EPM2A: variants seen among roughly 807,000 people sequenced by gnomAD.
EPM2A encodes the protein laforin.
EPM2A carries 21 observed loss-of-function variants against 26.5 expected under a neutral mutation model. That is an observed-to-expected ratio of 0.79 (90% CI 0.56 to 1.14). The LOEUF (loss-of-function observed/expected upper bound fraction) is 1.14, where lower values mean the gene tolerates loss of function less well. Ranked by LOEUF, EPM2A falls within the 50% of genes most tolerant of loss-of-function variation. EPM2A has a pLI of 0.00. For synonymous variants in EPM2A, 217 were observed against 177.6 expected, an observed-to-expected ratio of 1.22 and a Z score of -1.76; for missense variants, 458 against 440.8, an observed-to-expected ratio of 1.04 and a Z score of -0.35.
At chr6:145,631,438 T>G (rs558721576) in intron 3 of EPM2A, 1 of 152,308 alleles carries the variant, frequency 6.6e-6, no homozygotes, top group Non-Finnish European at 1.5e-5. Context: ...CTGTAAATCC[T>G]TTGCAGGTCA....
At chr6:145,628,139 A>G (rs1332489962) in intron 3 of EPM2A, 1 of 218,274 alleles carries the variant, frequency 4.6e-6, no homozygotes, top group Non-Finnish European at 9.2e-6. Context: ...TGTAAAACAC[A>G]GAAGCGGCCC....
chr6:145,668,798 C>A (rs1409711535), intron 2 of EPM2A, among the ~76,000 whole-genome samples: 1 of 152,212 alleles, frequency 6.6e-6, no homozygotes, highest in African/African-American at 2.4e-5. Context: ...TATGGTTTTA[C>A]TTGCCCAGTA....
chr6:145,528,857 T>C (rs1188148628), intron 2 of EPM2A, among the ~76,000 whole-genome samples: 1 of 152,056 alleles, frequency 6.6e-6, no homozygotes, highest in Non-Finnish European at 1.5e-5. Context: ...CTAGAAAGGA[T>C]TCACCATTCT....
chr6:145,728,367 C>A (rs532870437), intron 1 of EPM2A, among the ~76,000 whole-genome samples: 1 of 152,120 alleles, frequency 6.6e-6, no homozygotes. Flanking sequence ...CCTGGAGACT[C>A]GTTGAATGGT....
Position 145,589,898 on chromosome 6 carries a change from A to AG in EPM2A, c.340+45346_340+45347insC, listed in dbSNP as rs1267950844. The stretch of plus-strand genomic sequence containing the variant: ...GAAAAGTTCAGAGGTTAAAAAAAAA[A>AG]AAAGAAAAAAAAGAAAGAATACTCC... On this transcript the variant is annotated intron_variant, in intron 2 of 3. Coordinates refer to the EPM2A transcript ENST00000450221. 3.1e-4 allele frequency among the ~76,000 whole-genome samples: 47 copies of AG among 151,422 alleles called. 1 individual carries two copies. Among genetic ancestry groups the AG allele is most frequent in the Admixed American group, 7.2e-4 (11 of 15,206 alleles).
chr6:145,733,806 TA>T (rs1296555401), intron 1 of EPM2A, among the ~76,000 whole-genome samples: 1 of 152,190 alleles, frequency 6.6e-6, no homozygotes, highest in African/African-American at 2.4e-5. Context: ...CATTCCACTC[TA>T]ATCTTCTTTA....
chr6:145,450,954 A>T (rs1044221098), intron 4 of EPM2A, among the ~76,000 whole-genome samples: 14 of 151,948 alleles, frequency 9.2e-5, no homozygotes, highest in African/African-American at 3.1e-4. Flanking sequence ...AGGAACATCA[A>T]TTTTACCTGA....
intron 2 of EPM2A, among the ~76,000 whole-genome samples, chr6:145,570,508 A>G (rs1014121221): frequency 4.6e-5 from 7 of 152,384 alleles, no homozygotes; most frequent in African/African-American, 1.7e-4. Flanking sequence ...GTATACGTGT[A>G]CACATGCACA....
chr6:145,653,965 G>C (rs1470448128), intron 2 of EPM2A, among the ~76,000 whole-genome samples: 8 of 152,274 alleles, frequency 5.3e-5, no homozygotes, highest in Non-Finnish European at 1.2e-4. Context: ...CCTCCTAGGT[G>C]CTCTTCTGAT....
At chr6:145,697,388 C>T (rs1781657950) in intron 1 of EPM2A, among the ~76,000 whole-genome samples, 1 of 152,144 alleles carries the variant, frequency 6.6e-6, no homozygotes, top group African/African-American at 2.4e-5. Flanking sequence ...GGCAAGATCA[C>T]AGGACCACAG....
At chr6:145,700,643 T>C (rs1781862024) in intron 1 of EPM2A, among the ~76,000 whole-genome samples, 1 of 152,160 alleles carries the variant, frequency 6.6e-6, no homozygotes, top group South Asian at 2.1e-4. Flanking sequence ...ATCTCAACAG[T>C]GTCCAACATT....
chr6:145,684,464 C>T (rs1191639559), intron 2 of EPM2A, among the ~76,000 whole-genome samples: 1 of 152,086 alleles, frequency 6.6e-6, no homozygotes, highest in African/African-American at 2.4e-5. Flanking sequence ...AGAAGTGTTG[C>T]TTCTCATTCC....
At chr6:145,563,314 G>A (rs1461676085) in intron 2 of EPM2A, among the ~76,000 whole-genome samples, 1 of 151,968 alleles carries the variant, frequency 6.6e-6, no homozygotes, top group Non-Finnish European at 1.5e-5. Context: ...AATGAGGCAT[G>A]TTAGTTGAGA....
chr6:145,680,719 A>C (rs544028487), intron 2 of EPM2A, among the ~76,000 whole-genome samples: 1 of 152,190 alleles, frequency 6.6e-6, no homozygotes, highest in Admixed American at 6.5e-5. Context: ...AAGGACATGA[A>C]CTCATCATTT....
chr6:145,733,591 C>G (rs1277691675), intron 1 of EPM2A, among the ~76,000 whole-genome samples: 1 of 152,024 alleles, frequency 6.6e-6, no homozygotes, highest in Non-Finnish European at 1.5e-5. Context: ...TTGTTTCACA[C>G]CATTTCCATT....
intron 4 of EPM2A, among the ~76,000 whole-genome samples, chr6:145,478,533 C>G (rs1033241248): frequency 2.6e-5 from 4 of 151,824 alleles, no homozygotes; most frequent in African/African-American, 9.7e-5. Flanking sequence ...AATTATGTTA[C>G]AGAACTATAG....
chr6:145,497,328 C>A (rs1779834276), downstream of EPM2A, among the ~76,000 whole-genome samples: 1 of 152,336 alleles, frequency 6.6e-6, no homozygotes, highest in East Asian at 1.9e-4. Context: ...CTGCTCCAGT[C>A]CCTAGTTGCC....
chr6:145,646,974 T>C lies in EPM2A; in HGVS notation c.477-11488A>G, dbSNP rs376384433. 9.7e-4 allele frequency among the ~76,000 whole-genome samples: 148 copies of C among 152,220 alleles called. 1 individual carries two copies. The highest frequency in any genetic ancestry group is 3.4e-3 in the African/African-American group (141 of 41,546). Reference sequence around the variant, plus strand: ...TTCCCCCAGAGTCATTAGCCCACCATAAAAGTCAATTCCCTAAAGACTTGT... The same window carrying C: ...TTCCCCCAGAGTCATTAGCCCACCACAAAAGTCAATTCCCTAAAGACTTGT... On this transcript the variant is annotated intron_variant, in intron 2 of 3. Coordinates refer to ENST00000367519, the MANE Select transcript of EPM2A (RefSeq NM_005670.4).
intron 1 of EPM2A, among the ~76,000 whole-genome samples, chr6:145,720,380 C>T (rs918227307): frequency 6.6e-6 from 1 of 152,154 alleles, no homozygotes; most frequent in African/African-American, 2.4e-5. Context: ...AAGCAATACT[C>T]ATATATATTA....
Sources: gnomAD v4.1 joint callset for allele counts (sites outside exome capture counted in the v4.1 genomes callset) on GRCh38, gnomAD v4.1.1 for gene constraint, MANE v1.5 for transcripts, NCBI Gene and HGNC (gene_info 2026-07-23, HGNC 2026-07-21) for gene names.